Variants in ADAM28 observed in about 807,000 individuals in gnomAD.
The protein encoded by ADAM28 is ADAM metallopeptidase domain 28.
ADAM28 carries 105 observed loss-of-function variants against 101.2 expected under a neutral mutation model. The observed-to-expected ratio is 1.04, with a 90% CI of 0.89 to 1.22. ADAM28 has a LOEUF of 1.22. Among genes scored for constraint, ADAM28 ranks in the 50% most tolerant of loss-of-function variants. The pLI is 0.00. For missense variants in ADAM28, 1,028 were observed against 945.4 expected (o/e 1.09, Z -1.15); for synonymous variants, 322 against 310.6 (o/e 1.04, Z -0.39).
intron 2 of ADAM28, among the ~76,000 whole-genome samples, chr8:24,307,420 G>A (rs1809845118): frequency 6.6e-6 from 1 of 152,130 alleles, no homozygotes; most frequent in East Asian, 1.9e-4. Flanking sequence ...GATCACACAT[G>A]CCACATTGCT....
chr8:24,351,167 G>A (rs183291309), intron 19 of ADAM28, 65 bp from the exon 20 acceptor site: 13,646 of 1,311,618 alleles, frequency 0.01, 96 homozygotes, highest in Non-Finnish European at 0.013. Flanking sequence ...AATCTTCTAC[G>A]GAGTTTCCCT....
At chr8:24,300,829 A>G (rs1475430802) in intron 2 of ADAM28, 1 of 152,238 alleles carries the variant, frequency 6.6e-6, no homozygotes, top group Non-Finnish European at 1.5e-5. Context: ...ACAGAAACAG[A>G]AAACAAAATA....
At position 24,294,090 on chromosome 8, in the gene ADAM28, G is replaced by C. The variant is rs1037660404; in HGVS notation, c.-60G>C. 9 of 1,591,406 alleles carry C rather than the reference G, an allele frequency of 5.7e-6. No homozygotes were observed. The highest frequency in any genetic ancestry group is 7.8e-6 in the Non-Finnish European group (9 of 1,159,530). On this transcript the variant is annotated 5_prime_UTR_variant, in exon 1 of 23. Coordinates refer to ENST00000265769, the MANE Select transcript of ADAM28 (RefSeq NM_014265.6). The stretch of plus-strand genomic sequence containing the variant: ...TCTCACTGGAGAGGAGGCAGGGACA[G>C]ACCCAGCAGCACCCACCTGAGCGAG...
chr8:24,330,208 T>C (rs1813190343), intron 11 of ADAM28, 93 bp downstream of exon 11: 2 of 1,458,348 alleles, frequency 1.4e-6, no homozygotes, highest in Admixed American at 2.3e-5. Context: ...AACAACGTGT[T>C]CGAGTTTTTG....
intron 15 of ADAM28, among the ~76,000 whole-genome samples, chr8:24,340,084 G>A (rs1814580713): frequency 6.6e-6 from 1 of 152,142 alleles, no homozygotes; most frequent in Non-Finnish European, 1.5e-5. Flanking sequence ...GTTAGTTTTA[G>A]TACTGATATC....
intron 15 of ADAM28, chr8:24,340,760 C>G (rs1386064670): frequency 6.6e-6 from 1 of 152,174 alleles, no homozygotes; most frequent in East Asian, 1.9e-4. Flanking sequence ...GAATATATGC[C>G]TTTCTCCACT....
Position 24,311,226 on chromosome 8 carries a change from CATCTT to C in ADAM28, c.307-133_307-129del, listed in dbSNP as rs1193119555. On this transcript the variant is annotated intron_variant, in intron 4 of 22. Transcript: ENST00000265769. ...TGAAAGATTTTAATTATTTTTTAAA[CATCTT>C]AGTTTACTGTTGTACAGCAGAATAT... is the stretch of plus-strand genomic sequence containing the variant. 1.6e-5 allele frequency: 9 copies of C among 570,072 alleles called. No homozygotes were observed. The African/African-American group carries it at 1.7e-4, about 11-fold the overall frequency. The allele number at this position is 570,072 out of a possible 1,614,324, so 35.3% of individuals were successfully genotyped here. A position where few individuals can be genotyped will look rare whatever the true frequency, so the allele number is the denominator to read the frequency against.
chr8:24,321,864 ATTGTG>A (rs1811923989), intron 8 of ADAM28, among the ~76,000 whole-genome samples: 1 of 151,956 alleles, frequency 6.6e-6, no homozygotes, highest in Non-Finnish European at 1.5e-5. Flanking sequence ...TTTAGACATG[ATTGTG>A]TTATCTAATT....
In ADAM28 at chr8:24,354,469, CAGAG is replaced by C; in HGVS notation, c.*67_*70del. The C allele has an allele frequency of 2.8e-6, 4 of 1,433,140 alleles. No homozygotes were observed. The highest frequency in any genetic ancestry group is 3.7e-6 in the Non-Finnish European group (4 of 1,086,690). 88.8% of individuals were successfully genotyped at this position (1,433,140 alleles called of 1,614,324 possible). ...TTGGAAAACTGGAAAATCTGGATGGCAGAGAAATATACTATCTATCTCACCAGTA... is the reference window on the plus strand; with the variant it reads ...TTGGAAAACTGGAAAATCTGGATGGCAAATATACTATCTATCTCACCAGTA... On this transcript the variant is annotated 3_prime_UTR_variant, in exon 23 of 23. Transcript: ENST00000265769.
chr8:24,351,475 T>G, intron 20 of ADAM28, 165 bp downstream of exon 20: 1 of 742,380 alleles, frequency 1.3e-6, no homozygotes, highest in Non-Finnish European at 2.4e-6. Flanking sequence ...GTCCCTAAAA[T>G]GCCGAGGCTA....
In ADAM28 at chr8:24,331,088, G is replaced by T. The variant is rs1419310548; in HGVS notation, c.1104-62G>T. On this transcript the variant is annotated intron_variant, in intron 11 of 22. Transcript: ENST00000265769. ...GTGGGTGTAATTGTGCCTAATGTCAGATACTGCTTCGCACATGTTAAGCAT... is the reference window on the plus strand; with the variant it reads ...GTGGGTGTAATTGTGCCTAATGTCATATACTGCTTCGCACATGTTAAGCAT... 5 of 1,482,270 alleles carry T rather than the reference G, an allele frequency of 3.4e-6. No homozygotes were observed. The African/African-American group carries it at 7.1e-5, about 21-fold the overall frequency. 91.8% of individuals were successfully genotyped at this position (1,482,270 alleles called of 1,614,324 possible).
chr8:24,341,683 A>T lies in ADAM28; in HGVS notation c.1756A>T (p.Lys586Ter). 6.2e-7 allele frequency: 1 copy of T among 1,613,956 alleles called. No homozygotes were observed. Among genetic ancestry groups the T allele is most frequent in the Non-Finnish European group, 8.5e-7 (1 of 1,179,862 alleles). Residue 586 changes from lysine (K) to a stop codon, truncating the protein, a stop_gained, in exon 16 of 23, where the codon AAA (lysine) becomes TAA (stop). Coordinates refer to ENST00000265769, the MANE Select transcript of ADAM28 (RefSeq NM_014265.6). LOFTEE classifies it high-confidence loss of function. ...KGRIVTFLTCKTFDPEDTSQE... is the reference protein window; with the variant it reads ...KGRIVTFLTC Reference sequence around the variant, plus strand: ...ACGGATAGTGACTTTCCTGACATGTAAAACATTTGATCCTGAAGACACAAG... The same window carrying T: ...ACGGATAGTGACTTTCCTGACATGTTAAACATTTGATCCTGAAGACACAAG...
chr8:24,298,567 G>C (rs1808289007), intron 1 of ADAM28, among the ~76,000 whole-genome samples: 1 of 152,048 alleles, frequency 6.6e-6, no homozygotes, highest in Non-Finnish European at 1.5e-5. Flanking sequence ...ATCTATGTTT[G>C]TTAAAAGATC....
chr8:24,325,870 G>GAAAAAAAAAAAA (rs1255708868), intron 9 of ADAM28, among the ~76,000 whole-genome samples: 1 of 1,800 alleles, frequency 5.6e-4, no homozygotes, highest in Non-Finnish European at 9.7e-4. Context: ...TGTACAGATA[G>GAAAAAAAAAAAA]CAAAAAAAAA....
At position 24,339,458 on chromosome 8, in the gene ADAM28, G is replaced by A. The variant is rs1814496530; in HGVS notation, c.1568-8G>A. 1 of 1,606,744 alleles carries A rather than the reference G, an allele frequency of 6.2e-7. No homozygotes were observed. Among genetic ancestry groups the A allele is most frequent in the Non-Finnish European group, 8.5e-7 (1 of 1,174,996 alleles). On this transcript the variant is annotated splice_region_variant and splice_polypyrimidine_tract_variant and intron_variant, in intron 14 of 22. Transcript: ENST00000265769. ...TTTCTTTTCCCTGCTGACTGATCCT[G>A]GTCCCAGGAACTGAGGTTGCAGATA...
chr8:24,332,542 G>C (rs1813487295), intron 12 of ADAM28, 118 bp from the exon 13 acceptor site: 1 of 458,284 alleles, frequency 2.2e-6, no homozygotes, highest in African/African-American at 2.0e-5. Context: ...TTTTGAAAAA[G>C]TCCTATTTAG....
intron 13 of ADAM28, 117 bp from the exon 14 acceptor site, chr8:24,335,329 G>A (rs1813878214): frequency 7.0e-7 from 1 of 1,424,980 alleles, no homozygotes; most frequent in Non-Finnish European, 9.2e-7. Context: ...TCAGTGAAAT[G>A]ACACCTCCAA....
chr8:24,339,370 T>C (rs1814481417), intron 14 of ADAM28, 96 bp from the exon 15 acceptor site: 1 of 913,944 alleles, frequency 1.1e-6, no homozygotes, highest in African/African-American at 1.7e-5. Context: ...TATAAATCGC[T>C]TTCCAGCACT....
At position 24,326,583 on chromosome 8, in the gene ADAM28, G is replaced by A; in HGVS notation, c.920G>A (p.Gly307Asp). 6.2e-7 allele frequency: 1 copy of A among 1,612,022 alleles called. No individual in the cohort carries two copies. The highest frequency in any genetic ancestry group is 1.3e-5 in the African/African-American group (1 of 74,870). Residue 307 changes from glycine (G) to aspartate (D), a missense_variant, in exon 10 of 23, where the codon GGT becomes GAT. By Grantham distance (94) the Gly-to-Asp change is moderately conservative. Coordinates refer to ENST00000265769, the MANE Select transcript of ADAM28 (RefSeq NM_014265.6). ...TATELAGTTV[G>D]LAFMSTMCSP... ...ACAGAACTTGCTGGAACGACTGTGG[G>A]TCTTGCATTTATGTCTACAATGTGT... is the stretch of plus-strand genomic sequence containing the variant.
Sources: allele counts gnomAD v4.1 joint callset (sites outside exome capture counted in the v4.1 genomes callset), GRCh38; gene constraint gnomAD v4.1.1; transcripts MANE v1.5; gene names NCBI Gene and HGNC (gene_info 2026-07-23, HGNC 2026-07-21).